The following KCNK2 variants were observed in gnomAD, a reference collection of about 807,000 sequenced individuals.
KCNK2 encodes the protein potassium channel subfamily K member 2.
A neutral mutation model predicts 40.5 loss-of-function variants in KCNK2; 21 were observed. The observed-to-expected ratio is 0.52, with a 90% CI of 0.37 to 0.75. KCNK2 has a LOEUF of 0.75. Ranked by LOEUF, KCNK2 falls within the 30% of genes least tolerant of loss-of-function variation. The pLI is 0.00. For missense variants in KCNK2, 399 were observed against 531.6 expected (o/e 0.75, Z 2.45); for synonymous variants, 191 against 202.2 (o/e 0.94, Z 0.47).
intron 6 of KCNK2, among the ~76,000 whole-genome samples, chr1:215,203,928 C>T (rs1438806782): frequency 6.7e-6 from 1 of 148,304 alleles, no homozygotes; most frequent in Non-Finnish European, 1.5e-5. Context: ...GTCCCAGCTA[C>T]TCGGGAGGCC....
At chr1:215,167,199 C>T (rs1663483158) in intron 3 of KCNK2, among the ~76,000 whole-genome samples, 1 of 151,854 alleles carries the variant, frequency 6.6e-6, no homozygotes, top group South Asian at 2.1e-4. Flanking sequence ...TTTCAAATAA[C>T]AATGAAATAA....
chr1:215,055,403 A>G (rs1452725835), intron 1 of KCNK2, among the ~76,000 whole-genome samples: 1 of 152,226 alleles, frequency 6.6e-6, no homozygotes, highest in Non-Finnish European at 1.5e-5. Context: ...TGCACTGCTC[A>G]TTGGTTTTAA....
intron 1 of KCNK2, among the ~76,000 whole-genome samples, chr1:215,050,894 C>T (rs1657963257): frequency 1.3e-5 from 2 of 152,218 alleles, no homozygotes; most frequent in South Asian, 4.1e-4. Context: ...CATCATTACA[C>T]TATGGGGAAC....
chr1:215,178,043 T>C (rs7551303), intron 5 of KCNK2, among the ~76,000 whole-genome samples: 9,870 of 152,140 alleles, frequency 0.065, 390 homozygotes, highest in Middle Eastern at 0.14. Context: ...GTGTTACCTA[T>C]AATTTCTTTA....
At position 215,094,609 on chromosome 1, in the gene KCNK2, CA is replaced by C. The variant is rs1199616281; in HGVS notation, c.357+7935del. Among the ~76,000 whole-genome samples, 7 of 152,176 alleles carry C rather than the reference CA, an allele frequency of 4.6e-5. No individual in the cohort carries two copies. The East Asian group carries it at 1.4e-3, about 29-fold the overall frequency. ...CTGCCCATATGTTCATGCTGGCTTG[CA>C]AAATACTTTTTCTTGTATAACTACA... On this transcript the variant is annotated intron_variant, in intron 2 of 6. Coordinates refer to ENST00000444842, the MANE Select transcript of KCNK2 (RefSeq NM_001017425.3).
intron 1 of KCNK2, among the ~76,000 whole-genome samples, chr1:215,006,168 T>C (rs186269856): frequency 3.2e-4 from 48 of 152,316 alleles, no homozygotes; most frequent in Admixed American, 1.4e-3. Context: ...AATTCGGTCA[T>C]GTTTTATACA....
intron 2 of KCNK2, among the ~76,000 whole-genome samples, chr1:215,120,643 A>C (rs1417460596): frequency 6.6e-6 from 1 of 152,146 alleles, no homozygotes; most frequent in East Asian, 1.9e-4. Flanking sequence ...TTAACTGTGA[A>C]ACCATTCCCT....
At chr1:215,033,751 A>G (rs1186708272) in intron 1 of KCNK2, among the ~76,000 whole-genome samples, 1 of 152,222 alleles carries the variant, frequency 6.6e-6, no homozygotes, top group Admixed American at 6.5e-5. Flanking sequence ...AAACCCCAGC[A>G]GGTAGGCTGT....
chr1:215,029,307 C>T (rs1657101336), intron 1 of KCNK2, among the ~76,000 whole-genome samples: 1 of 151,756 alleles, frequency 6.6e-6, no homozygotes, highest in Admixed American at 6.6e-5. Context: ...CGCATGGTAA[C>T]CTCTGATGTT....
intron 6 of KCNK2, among the ~76,000 whole-genome samples, chr1:215,219,422 T>G (rs544958868): frequency 2.6e-5 from 4 of 152,334 alleles, no homozygotes; most frequent in African/African-American, 9.6e-5. Flanking sequence ...TCACTGAAAT[T>G]TAAACACTGA....
chr1:215,118,967 G>A (rs1051301554), intron 2 of KCNK2, among the ~76,000 whole-genome samples: 1 of 152,058 alleles, frequency 6.6e-6, no homozygotes, highest in Admixed American at 6.6e-5. Flanking sequence ...ATTCTGTACT[G>A]TTTTGATGAA....
chr1:215,191,200 G>T (rs1231334379), intron 5 of KCNK2, among the ~76,000 whole-genome samples: 1 of 151,386 alleles, frequency 6.6e-6, no homozygotes, highest in Non-Finnish European at 1.5e-5. Flanking sequence ...CAGGAGAATC[G>T]CTTGAATACG....
At chr1:215,023,645 T>G (rs1410830431) in intron 1 of KCNK2, among the ~76,000 whole-genome samples, 1 of 152,234 alleles carries the variant, frequency 6.6e-6, no homozygotes, top group Non-Finnish European at 1.5e-5. Context: ...GTGAATGTCA[T>G]TGCGTAAGCA....
At chr1:215,134,486 T>G (rs1025973930) in intron 3 of KCNK2, among the ~76,000 whole-genome samples, 2 of 152,200 alleles carry the variant, frequency 1.3e-5, no homozygotes, top group African/African-American at 4.8e-5. Flanking sequence ...CCACAACCTC[T>G]CTGGGATACA....
At chr1:215,181,491 A>T (rs1289941548) in intron 5 of KCNK2, among the ~76,000 whole-genome samples, 1 of 152,058 alleles carries the variant, frequency 6.6e-6, no homozygotes, top group Non-Finnish European at 1.5e-5. Flanking sequence ...GCCACTTCTA[A>T]TTATTGTAAT....
At chr1:215,093,089 T>C (rs1659762693) in intron 2 of KCNK2, among the ~76,000 whole-genome samples, 1 of 151,998 alleles carries the variant, frequency 6.6e-6, no homozygotes, top group Admixed American at 6.6e-5. Flanking sequence ...ATAGAAGCTA[T>C]TTAAAATCAA....
rs1330420661 is a variant in KCNK2 at position 215,007,037 on chromosome 1, A to ATATATATGTGTGTG, written c.34+1083_34+1084insATATATGTGTGTGT. The stretch of plus-strand genomic sequence containing the variant: ...TATATATATATATATATATATATAT[A>ATATATATGTGTGTG]TGTGTGTGTGTGTATATATATATGT... On this transcript the variant is annotated intron_variant, in intron 1 of 6. Transcript: ENST00000391895. Among the ~76,000 whole-genome samples, 67 of 51,526 alleles carry ATATATATGTGTGTG rather than the reference A, an allele frequency of 1.3e-3. 2 individuals carry two copies. The highest frequency in any genetic ancestry group is 3.8e-3 in the African/African-American group (61 of 16,098). The allele number at this position is 51,526 out of a possible 152,430, so 33.8% of individuals were successfully genotyped here. A position where few individuals can be genotyped will look rare whatever the true frequency, so the allele number is the denominator to read the frequency against.
intron 1 of KCNK2, among the ~76,000 whole-genome samples, chr1:215,029,630 T>A (rs1657117413): frequency 6.8e-6 from 1 of 147,604 alleles, no homozygotes; most frequent in Non-Finnish European, 1.5e-5. Context: ...AATATATGAA[T>A]ATAAATATTG....
chr1:215,192,269 G>A (rs567120959), intron 5 of KCNK2, among the ~76,000 whole-genome samples: 32 of 152,150 alleles, frequency 2.1e-4, no homozygotes, highest in Non-Finnish European at 2.8e-4. Context: ...TATAGTATTC[G>A]TTTTTCCTAG....
Sources: gnomAD v4.1 joint callset for allele counts (sites outside exome capture counted in the v4.1 genomes callset) on GRCh38, gnomAD v4.1.1 for gene constraint, MANE v1.5 for transcripts, NCBI Gene and HGNC (gene_info 2026-07-23, HGNC 2026-07-21) for gene names.